The following GPR137B variants were observed in gnomAD, a reference collection of about 807,000 sequenced individuals.
GPR137B encodes the protein G protein-coupled receptor 137B.
In GPR137B, 42 loss-of-function variants were observed where a neutral mutation model predicts 42.5. The observed-to-expected ratio is 0.99, with a 90% CI of 0.77 to 1.28. The LOEUF is 1.28. Ranked by LOEUF, GPR137B falls within the 50% of genes most tolerant of loss-of-function variation. The pLI is 0.00. For missense variants in GPR137B, 487 were observed against 493.9 expected (o/e 0.99, Z 0.13); for synonymous variants, 218 against 209.7 (o/e 1.04, Z -0.34).
At chr1:236,177,542 G>A (rs1236980801) in intron 2 of GPR137B, among the ~76,000 whole-genome samples, 2 of 139,004 alleles carry the variant, frequency 1.4e-5, no homozygotes, top group African/African-American at 5.8e-5. Context: ...AGTTGCTGTG[G>A]CAGTTTTTTG....
At chr1:236,174,934 T>C (rs987007103) in intron 2 of GPR137B, among the ~76,000 whole-genome samples, 2 of 151,918 alleles carry the variant, frequency 1.3e-5, no homozygotes, top group African/African-American at 4.8e-5. Context: ...GGGAAATGAG[T>C]CTGGAACTCA....
intron 1 of GPR137B, among the ~76,000 whole-genome samples, chr1:236,144,866 GCTCT>G (rs968060531): frequency 2.9e-4 from 44 of 152,248 alleles, no homozygotes; most frequent in Non-Finnish European, 1.6e-4. Flanking sequence ...AACTGCCACA[GCTCT>G]CTGGTAATCA....
intron 2 of GPR137B, among the ~76,000 whole-genome samples, chr1:236,172,074 A>G (rs989597003): frequency 2.6e-5 from 4 of 151,622 alleles, no homozygotes; most frequent in Non-Finnish European, 5.9e-5. Context: ...TGTTTAGGCC[A>G]GTGAAGTTGG....
At chr1:236,192,315 C>T (rs979799943) in intron 5 of GPR137B, among the ~76,000 whole-genome samples, 1 of 152,038 alleles carries the variant, frequency 6.6e-6, no homozygotes, top group South Asian at 2.1e-4. Flanking sequence ...GCTTCAGCCC[C>T]CTTTCCAGGG....
rs1273483733 is a variant in GPR137B, at chr1:236,197,828, C to T, written c.967-7298C>T. Among the ~76,000 whole-genome samples, 10 of 152,324 alleles carry T rather than the reference C, an allele frequency of 6.6e-5. No individual in the cohort carries two copies. The East Asian group carries it at 1.5e-3, about 24-fold the overall frequency. On this transcript the variant is annotated intron_variant, in intron 5 of 6. Transcript: ENST00000366592. ...CTCCGCCTCCCAGGTTCAAGTGATT[C>T]TCCTGCCTCAGCCTCCTGAGTAGGT... is the stretch of plus-strand genomic sequence containing the variant.
At chr1:236,176,994 C>T (rs900888969) in intron 2 of GPR137B, among the ~76,000 whole-genome samples, 2 of 151,952 alleles carry the variant, frequency 1.3e-5, no homozygotes, top group Non-Finnish European at 1.5e-5. Flanking sequence ...GGTGTGTGTG[C>T]GTGTGAGGAG....
chr1:236,178,360 C>T (rs1225343356), intron 2 of GPR137B, 54 bp from the exon 3 acceptor site: 1 of 1,032,916 alleles, frequency 9.7e-7, no homozygotes, highest in African/African-American at 1.6e-5. Flanking sequence ...ATCTCAGTGT[C>T]CTTCTAGACT....
At chr1:236,203,227 C>A (rs1254209) in intron 5 of GPR137B, among the ~76,000 whole-genome samples, 87,051 of 151,322 alleles carry the variant, frequency 0.58, 28,221 homozygotes, top group African/African-American at 0.87. Flanking sequence ...ATGGGCACCC[C>A]CCATTTCGCC....
At chr1:236,164,789 A>T (rs1033768277) in intron 1 of GPR137B, among the ~76,000 whole-genome samples, 1 of 152,120 alleles carries the variant, frequency 6.6e-6, no homozygotes, top group African/African-American at 2.4e-5. Flanking sequence ...CATGCCAGGA[A>T]TTCAAACACA....
At chr1:236,187,656 T>A (rs1663071612) in intron 5 of GPR137B, among the ~76,000 whole-genome samples, 1 of 151,872 alleles carries the variant, frequency 6.6e-6, no homozygotes, top group Non-Finnish European at 1.5e-5. Flanking sequence ...GTGGTATTAT[T>A]TCTGAGGCTT....
intron 5 of GPR137B, among the ~76,000 whole-genome samples, chr1:236,199,127 A>G (rs926650534): frequency 2.6e-5 from 4 of 152,066 alleles, no homozygotes; most frequent in African/African-American, 7.2e-5. Flanking sequence ...GATTTTTTCA[A>G]ATGCTTTTTC....
intron 6 of GPR137B, among the ~76,000 whole-genome samples, chr1:236,206,699 T>A (rs1049139887): frequency 8.5e-5 from 13 of 152,244 alleles, no homozygotes. Context: ...AGCATGGGCA[T>A]GGTCTGCAAA....
intron 1 of GPR137B, among the ~76,000 whole-genome samples, chr1:236,162,978 A>G (rs916837557): frequency 3.9e-5 from 6 of 152,210 alleles, no homozygotes; most frequent in South Asian, 2.1e-4. Context: ...ATCCACCGAC[A>G]GCTTGCACTG....
At chr1:236,145,918 G>A (rs1181911054) in intron 1 of GPR137B, among the ~76,000 whole-genome samples, 1 of 151,994 alleles carries the variant, frequency 6.6e-6, no homozygotes, top group Admixed American at 6.6e-5. Flanking sequence ...CTTGCTTTGT[G>A]GTGATCTGGG....
chr1:236,190,449 T>C (rs1265134925), intron 5 of GPR137B, among the ~76,000 whole-genome samples: 1 of 152,216 alleles, frequency 6.6e-6, no homozygotes, highest in East Asian at 1.9e-4. Flanking sequence ...CAATTTGATA[T>C]GTTTTTGCAG....
chr1:236,204,865 C>T (rs573063400), intron 5 of GPR137B, among the ~76,000 whole-genome samples: 2 of 152,258 alleles, frequency 1.3e-5, no homozygotes, highest in South Asian at 4.1e-4. Flanking sequence ...CATCATCTAG[C>T]TTTTCAATAA....
intron 6 of GPR137B, chr1:236,206,999 A>T: frequency 4.2e-6 from 1 of 236,702 alleles, no homozygotes; most frequent in Non-Finnish European, 6.8e-6. Flanking sequence ...ACTTAGCATT[A>T]ACAACTTTAC....
At chr1:236,165,713 C>T (rs892193193) in intron 1 of GPR137B, among the ~76,000 whole-genome samples, 4 of 152,168 alleles carry the variant, frequency 2.6e-5, no homozygotes, top group South Asian at 2.1e-4. Flanking sequence ...TTTGGAAAAC[C>T]GCTGTATACC....
chr1:236,145,037 T>C (rs1403383060), intron 1 of GPR137B, among the ~76,000 whole-genome samples: 2 of 152,244 alleles, frequency 1.3e-5, no homozygotes, highest in Non-Finnish European at 2.9e-5. Flanking sequence ...CTGTACTCTT[T>C]ATATCTCCCA....
Sources: gnomAD v4.1 joint callset for allele counts (sites outside exome capture counted in the v4.1 genomes callset) on GRCh38, gnomAD v4.1.1 for gene constraint, MANE v1.5 for transcripts, NCBI Gene and HGNC (gene_info 2026-07-23, HGNC 2026-07-21) for gene names.